The following TAS2R1 variants were observed in gnomAD, a reference collection of about 807,000 sequenced individuals.
TAS2R1 encodes the protein taste 2 receptor member 1, also known as taste receptor type 2 member 1.
For synonymous variants in TAS2R1, 141 were observed against 134.2 expected (o/e 1.05, Z -0.35); for missense variants, 370 against 353.4 (o/e 1.05, Z -0.38).
At chr5:9,878,764 C>T in the TAS2R1 span, among the ~76,000 whole-genome samples, 1 of 152,278 alleles carries the variant, frequency 6.6e-6, no homozygotes, top group Admixed American at 6.5e-5. Flanking sequence ...CTTTCATACA[C>T]AAGAATAAAA....
At chr5:9,763,158 T>C in the TAS2R1 span, among the ~76,000 whole-genome samples, 1 of 152,214 alleles carries the variant, frequency 6.6e-6, no homozygotes, top group Non-Finnish European at 1.5e-5. Flanking sequence ...GATTTTTAAT[T>C]AAACTGAAGA....
the TAS2R1 span, among the ~76,000 whole-genome samples, chr5:9,831,504 A>T: frequency 6.6e-6 from 1 of 152,186 alleles, no homozygotes; most frequent in East Asian, 1.9e-4. Flanking sequence ...ACTAGAGAAA[A>T]CTGCTAAAAG....
chr5:9,902,905 G>A, the TAS2R1 span, among the ~76,000 whole-genome samples: 1 of 151,778 alleles, frequency 6.6e-6, no homozygotes, highest in African/African-American at 2.4e-5. Context: ...GCAGGTAGAA[G>A]GGAAAAGTAA....
chr5:9,852,001 A>G, the TAS2R1 span, among the ~76,000 whole-genome samples: 8,885 of 152,234 alleles, frequency 0.058, 623 homozygotes, highest in East Asian at 0.23. Context: ...GAAAAAGAAT[A>G]AGAGAGAAGA....
At chr5:9,780,119 G>C in the TAS2R1 span, among the ~76,000 whole-genome samples, 1 of 152,032 alleles carries the variant, frequency 6.6e-6, no homozygotes, top group Non-Finnish European at 1.5e-5. Context: ...CATTTCCTTT[G>C]ACATAGAAGA....
chr5:9,838,892 T>C, the TAS2R1 span, among the ~76,000 whole-genome samples: 9 of 152,216 alleles, frequency 5.9e-5, no homozygotes, highest in Non-Finnish European at 1.0e-4. Flanking sequence ...AACAGCAGGC[T>C]AAACCAAACA....
chr5:9,899,514 G>A, the TAS2R1 span, among the ~76,000 whole-genome samples: 1 of 151,954 alleles, frequency 6.6e-6, no homozygotes, highest in Non-Finnish European at 1.5e-5. Flanking sequence ...GCAGGTGCCT[G>A]TAATCCCAGC....
the TAS2R1 span, among the ~76,000 whole-genome samples, chr5:9,826,272 T>C: frequency 6.6e-6 from 1 of 152,284 alleles, no homozygotes; most frequent in African/African-American, 2.4e-5. Flanking sequence ...TCTATAACTC[T>C]TCTTGAGCTG....
the TAS2R1 span, among the ~76,000 whole-genome samples, chr5:9,840,870 T>TGAGATGGAGTCTCACAC: frequency 5.9e-5 from 1 of 17,026 alleles, no homozygotes; most frequent in Admixed American, 7.4e-4. Flanking sequence ...TTTTTTTTTT[T>TGAGATGGAGTCTCACAC]TTTTTTTTTT....
At chr5:9,829,990 C>T in the TAS2R1 span, among the ~76,000 whole-genome samples, 1 of 152,194 alleles carries the variant, frequency 6.6e-6, no homozygotes, top group Non-Finnish European at 1.5e-5. Flanking sequence ...GTGACCTTAT[C>T]TTTGTGACCA....
chr5:9,846,317 G>A, the TAS2R1 span, among the ~76,000 whole-genome samples: 2 of 152,202 alleles, frequency 1.3e-5, no homozygotes, highest in African/African-American at 4.8e-5. Context: ...CTGAGCAAGA[G>A]AAAAGTTTTT....
the TAS2R1 span, among the ~76,000 whole-genome samples, chr5:9,893,078 A>G: frequency 1.3e-5 from 2 of 152,184 alleles, no homozygotes; most frequent in Admixed American, 1.3e-4. Flanking sequence ...GGGTCCTGGC[A>G]GCAATATTTT....
the TAS2R1 span, among the ~76,000 whole-genome samples, chr5:9,747,110 GAGA>G: frequency 6.6e-6 from 1 of 152,180 alleles, no homozygotes; most frequent in Admixed American, 6.5e-5. Flanking sequence ...ATAGCTAAGA[GAGA>G]AGATTTCCAG....
At chr5:9,712,182 C>T (rs973109080) in exon 1 of TAS2R1, 6 of 152,166 alleles carry the variant, frequency 3.9e-5, no homozygotes, top group Admixed American at 6.5e-5. Flanking sequence ...CTGCCTGGTC[C>T]CTTTAGGCAT....
At chr5:9,834,178 G>A in the TAS2R1 span, among the ~76,000 whole-genome samples, 1 of 152,196 alleles carries the variant, frequency 6.6e-6, no homozygotes, top group East Asian at 1.9e-4. Flanking sequence ...CAAGCGCTCA[G>A]GAGCTAGGAG....
At chr5:9,839,294 G>A in the TAS2R1 span, among the ~76,000 whole-genome samples, 4 of 152,238 alleles carry the variant, frequency 2.6e-5, no homozygotes, top group South Asian at 2.1e-4. Flanking sequence ...TCAGGTTTCC[G>A]ACACTCAAAC....
the TAS2R1 span, among the ~76,000 whole-genome samples, chr5:9,831,256 C>T: frequency 6.6e-6 from 1 of 151,948 alleles, no homozygotes; most frequent in African/African-American, 2.4e-5. Context: ...TCCATTGACC[C>T]GGGAAGCTCA....
chr5:9,845,560 C>T, the TAS2R1 span, among the ~76,000 whole-genome samples: 2 of 152,028 alleles, frequency 1.3e-5, no homozygotes, highest in Non-Finnish European at 2.9e-5. Context: ...ATTCAAGGTG[C>T]CAAGTATGGT....
At chr5:9,806,585 TAA>T in the TAS2R1 span, among the ~76,000 whole-genome samples, 3 of 151,658 alleles carry the variant, frequency 2.0e-5, no homozygotes, top group South Asian at 2.1e-4. Flanking sequence ...AGAAAAGAAA[TAA>T]AGAGTCAAAT....
Sources: gnomAD v4.1 joint callset for allele counts (sites outside exome capture counted in the v4.1 genomes callset) on GRCh38, gnomAD v4.1.1 for gene constraint, MANE v1.5 for transcripts, NCBI Gene and HGNC (gene_info 2026-07-23, HGNC 2026-07-21) for gene names.